Variants in CTNNA2 observed in about 807,000 individuals in gnomAD.
CTNNA2 encodes catenin alpha-2.
In CTNNA2, 42 loss-of-function variants were observed where a neutral mutation model predicts 101.0. That is an observed-to-expected ratio of 0.42 (90% confidence interval 0.32 to 0.54). The LOEUF is 0.54. Ranked by LOEUF, CTNNA2 falls within the 20% of genes least tolerant of loss-of-function variation. The pLI is 0.14. For synonymous variants in CTNNA2, 450 were observed against 456.4 expected (o/e 0.99, Z 0.18); for missense variants, 871 against 1,223.1 (o/e 0.71, Z 4.29).
At chr2:79,327,719 C>G (rs1035209679) in intron 3 of CTNNA2, among the ~76,000 whole-genome samples, 6 of 152,134 alleles carry the variant, frequency 3.9e-5, no homozygotes, top group Non-Finnish European at 5.9e-5. Flanking sequence ...TCAAAAATCT[C>G]CTCCTCACTA....
At chr2:80,541,786 G>T (rs113165809) in intron 9 of CTNNA2, among the ~76,000 whole-genome samples, 2 of 151,632 alleles carry the variant, frequency 1.3e-5, no homozygotes, top group African/African-American at 4.9e-5. Flanking sequence ...ACCACACTCA[G>T]GTTTCCCTAG....
intron 7 of CTNNA2, among the ~76,000 whole-genome samples, chr2:80,300,949 G>GAA (rs34426087): frequency 7.7e-6 from 1 of 130,108 alleles, no homozygotes; most frequent in African/African-American, 2.8e-5. Context: ...TCTCAACACA[G>GAA]AAAAAAAAAA....
intron 4 of CTNNA2, among the ~76,000 whole-genome samples, chr2:79,437,751 G>A (rs1410729183): frequency 1.3e-5 from 2 of 152,106 alleles, no homozygotes; most frequent in African/African-American, 2.4e-5. Flanking sequence ...AAAGGGAAGC[G>A]TTTCACTTTC....
At chr2:80,244,934 G>A (rs888220308) in intron 7 of CTNNA2, among the ~76,000 whole-genome samples, 2 of 152,124 alleles carry the variant, frequency 1.3e-5, no homozygotes, top group African/African-American at 4.8e-5. Context: ...AGCCAGGTGG[G>A]AGACTCTTCA....
chr2:80,593,323 T>C (rs1245312690), intron 15 of CTNNA2, among the ~76,000 whole-genome samples: 3 of 151,930 alleles, frequency 2.0e-5, no homozygotes, highest in Non-Finnish European at 2.9e-5. Flanking sequence ...CTTTCATGGA[T>C]GTGATTTTTT....
chr2:79,365,192 G>T (rs990949021), intron 3 of CTNNA2, among the ~76,000 whole-genome samples: 1 of 152,058 alleles, frequency 6.6e-6, no homozygotes, highest in Admixed American at 6.6e-5. Context: ...CAGGAGAATT[G>T]CTCGAACCCA....
chr2:79,921,057 C>A (rs1686618652), intron 7 of CTNNA2, among the ~76,000 whole-genome samples: 1 of 152,072 alleles, frequency 6.6e-6, no homozygotes, highest in South Asian at 2.1e-4. Context: ...TGCATATGTA[C>A]CTGAAGAGAT....
chr2:79,452,892 A>T (rs950464590), intron 4 of CTNNA2, among the ~76,000 whole-genome samples: 1 of 152,224 alleles, frequency 6.6e-6, no homozygotes, highest in Middle Eastern at 3.4e-3. Flanking sequence ...GAGACGAAGA[A>T]GTAATTAAGT....
At chr2:79,842,348 G>T (rs933376044) in intron 3 of CTNNA2, among the ~76,000 whole-genome samples, 1 of 152,088 alleles carries the variant, frequency 6.6e-6, no homozygotes, top group Non-Finnish European at 1.5e-5. Flanking sequence ...CTTCATGTAC[G>T]AAATGGGAAC....
chr2:79,276,839 A>G (rs1675224353), intron 2 of CTNNA2, among the ~76,000 whole-genome samples: 1 of 152,110 alleles, frequency 6.6e-6, no homozygotes, highest in Non-Finnish European at 1.5e-5. Flanking sequence ...TGTTGTTTAC[A>G]TGAGATAAGA....
intron 11 of CTNNA2, among the ~76,000 whole-genome samples, chr2:80,546,552 G>A (rs1446389445): frequency 1.3e-5 from 2 of 152,176 alleles, no homozygotes; most frequent in Non-Finnish European, 2.9e-5. Context: ...GCAGGGACTT[G>A]GTAGCTATCA....
intron 2 of CTNNA2, among the ~76,000 whole-genome samples, chr2:79,239,932 C>CTTTT (rs746189807): frequency 9.2e-6 from 1 of 109,276 alleles, no homozygotes; most frequent in African/African-American, 3.2e-5. Flanking sequence ...TTTTCTTTTT[C>CTTTT]TTTCTTTTTT....
chr2:79,559,857 G>T (rs1032153315), intron 1 of CTNNA2, among the ~76,000 whole-genome samples: 1 of 151,828 alleles, frequency 6.6e-6, no homozygotes, highest in Non-Finnish European at 1.5e-5. Flanking sequence ...TACCATTTAT[G>T]TGCCAGGCTA....
chr2:80,237,903 G>A (rs1027912157), intron 7 of CTNNA2, among the ~76,000 whole-genome samples: 1 of 151,998 alleles, frequency 6.6e-6, no homozygotes, highest in Admixed American at 6.6e-5. Context: ...CCTCTCCTAA[G>A]GTGCTCATTC....
intron 7 of CTNNA2, among the ~76,000 whole-genome samples, chr2:80,036,358 C>A (rs1369621260): frequency 6.6e-6 from 1 of 152,134 alleles, no homozygotes; most frequent in Non-Finnish European, 1.5e-5. Flanking sequence ...ATTTGGGAGG[C>A]CAAGGTGGGA....
At chr2:80,293,227 G>T (rs928442254) in intron 7 of CTNNA2, among the ~76,000 whole-genome samples, 16 of 152,172 alleles carry the variant, frequency 1.1e-4, no homozygotes, top group African/African-American at 3.6e-4. Context: ...TCCATTAATT[G>T]TGTGTAACTT....
intron 9 of CTNNA2, among the ~76,000 whole-genome samples, chr2:80,430,801 T>C (rs958050130): frequency 1.3e-4 from 20 of 152,126 alleles, no homozygotes; most frequent in African/African-American, 4.8e-4. Flanking sequence ...TTAGTTTTGG[T>C]GTTTCATCAT....
chr2:80,132,903 C>T (rs112408742), intron 7 of CTNNA2, among the ~76,000 whole-genome samples: 25 of 152,244 alleles, frequency 1.6e-4, no homozygotes, highest in African/African-American at 5.1e-4. Context: ...AAAATCATGA[C>T]TCATATGGAT....
At chr2:80,456,354 T>C (rs1683977568) in intron 9 of CTNNA2, among the ~76,000 whole-genome samples, 1 of 152,192 alleles carries the variant, frequency 6.6e-6, no homozygotes, top group African/African-American at 2.4e-5. Context: ...GTGGCTTCTG[T>C]GTGTTGTGCA....
Sources: gnomAD v4.1 joint callset for allele counts (sites outside exome capture counted in the v4.1 genomes callset) on GRCh38, gnomAD v4.1.1 for gene constraint, MANE v1.5 for transcripts, NCBI Gene and HGNC (gene_info 2026-07-23, HGNC 2026-07-21) for gene names.